EIF4G3: variants seen among roughly 807,000 people sequenced by gnomAD.
The protein encoded by EIF4G3 is eIF-4-gamma 3.
A neutral mutation model predicts 186.4 loss-of-function variants in EIF4G3; 34 were observed. That is an observed-to-expected ratio of 0.18 (90% CI 0.14 to 0.24). EIF4G3 has a LOEUF of 0.24. Among genes scored for constraint, EIF4G3 ranks in the 10% least tolerant of loss-of-function variants. The pLI, the probability that EIF4G3 is intolerant of heterozygous loss-of-function variation, is 1.00. For synonymous variants in EIF4G3, 673 were observed against 679.5 expected (o/e 0.99, Z 0.15); for missense variants, 1,536 against 1,948.5 (o/e 0.79, Z 3.99).
At chr1:20,889,680 C>T (rs1393350587) in intron 18 of EIF4G3, among the ~76,000 whole-genome samples, 4 of 151,846 alleles carry the variant, frequency 2.6e-5, no homozygotes, top group East Asian at 3.9e-4. Flanking sequence ...TTAGTGGAGA[C>T]GGGGTTTCAC....
At chr1:20,834,043 C>T (rs113190730) in intron 30 of EIF4G3, among the ~76,000 whole-genome samples, 1 of 152,070 alleles carries the variant, frequency 6.6e-6, no homozygotes, top group Non-Finnish European at 1.5e-5. Context: ...TCAAAAATAA[C>T]CAGAAAACAA....
At chr1:20,935,167 T>G (rs2095479221) in intron 14 of EIF4G3, among the ~76,000 whole-genome samples, 1 of 152,126 alleles carries the variant, frequency 6.6e-6, no homozygotes, top group Admixed American at 6.5e-5. Context: ...CTCTGAAAGA[T>G]TAATAGAAAC....
At chr1:20,931,139 A>G (rs2095290451) in intron 14 of EIF4G3, among the ~76,000 whole-genome samples, 1 of 152,132 alleles carries the variant, frequency 6.6e-6, no homozygotes, top group Non-Finnish European at 1.5e-5. Flanking sequence ...CTAAGGCAGA[A>G]GAAGGAAATG....
intron 2 of EIF4G3, among the ~76,000 whole-genome samples, chr1:21,141,765 C>A (rs2097344008): frequency 6.6e-6 from 1 of 152,002 alleles, no homozygotes; most frequent in Non-Finnish European, 1.5e-5. Flanking sequence ...CCTGACTCTA[C>A]CAAAAATTTT....
chr1:20,941,252 C>T lies in EIF4G3; in HGVS notation c.1663+239G>A, dbSNP rs1057028680. 4 of 1,547,146 alleles carry T rather than the reference C, an allele frequency of 2.6e-6. No individual in the cohort carries two copies. In the South Asian group the frequency reaches 4.9e-5, roughly 19 times the overall value. ...CAACAAAACCCAACATGTTTCGTGA[C>T]ATATACCTTGGAGGCATTTTGTATA... On this transcript the variant is annotated intron_variant, in intron 14 of 36. Transcript: ENST00000602326.
At chr1:21,083,577 GC>G (rs2095863529) in intron 3 of EIF4G3, among the ~76,000 whole-genome samples, 1 of 151,334 alleles carries the variant, frequency 6.6e-6, no homozygotes, top group South Asian at 2.1e-4. Flanking sequence ...ACCCACCTCA[GC>G]CTCCCAAAGT....
chr1:20,883,697 A>G (rs2083167269), intron 19 of EIF4G3, among the ~76,000 whole-genome samples: 1 of 152,060 alleles, frequency 6.6e-6, no homozygotes, highest in South Asian at 2.1e-4. Context: ...TAAAGGGAAG[A>G]AAAAAAATAA....
chr1:21,050,940 G>C lies in EIF4G3; in HGVS notation c.-141C>G, dbSNP rs1283771279. The stretch of plus-strand genomic sequence containing the variant: ...TTTGGATGCCCCTTGTTTATTTCAT[G>C]TGCTGAATAAGGGGATGGGGTAGGG... On this transcript the variant is annotated 5_prime_UTR_variant, in exon 4 of 37. Coordinates refer to ENST00000602326, the MANE Select transcript of EIF4G3 (RefSeq NM_001391906.1). 7.0e-6 allele frequency: 5 copies of C among 716,672 alleles called. No individual in the cohort carries two copies. The highest frequency in any genetic ancestry group is 2.0e-5 in the Admixed American group (1 of 49,698). 44.4% of individuals were successfully genotyped at this position (716,672 alleles called of 1,614,324 possible).
intron 13 of EIF4G3, among the ~76,000 whole-genome samples, chr1:20,948,083 T>C (rs1573350618): frequency 6.6e-6 from 1 of 152,358 alleles, no homozygotes. Context: ...GCACAGAAGA[T>C]ATATTTTAAG....
At chr1:20,953,696 T>C (rs1048633076) in intron 12 of EIF4G3, among the ~76,000 whole-genome samples, 1 of 152,208 alleles carries the variant, frequency 6.6e-6, no homozygotes, top group African/African-American at 2.4e-5. Context: ...GACAGAATAC[T>C]TAAGTACAGA....
At chr1:21,095,796 CA>C (rs1240831652) in intron 2 of EIF4G3, among the ~76,000 whole-genome samples, 12 of 144,874 alleles carry the variant, frequency 8.3e-5, no homozygotes, top group Admixed American at 1.4e-4. Context: ...AACATACAAA[CA>C]AAAAAAAAAC....
At chr1:20,820,614 G>A (rs1011193665) in intron 33 of EIF4G3, among the ~76,000 whole-genome samples, 2 of 152,164 alleles carry the variant, frequency 1.3e-5, no homozygotes, top group African/African-American at 4.8e-5. Context: ...GGGGCTCATG[G>A]TGCCTCTTCC....
chr1:20,807,943 C>CCT (rs2058408221), intron 36 of EIF4G3, among the ~76,000 whole-genome samples: 1 of 151,108 alleles, frequency 6.6e-6, no homozygotes, highest in South Asian at 2.1e-4. Context: ...CCTGCCTCAG[C>CCT]CTCTCAAGTA....
chr1:20,808,510 T>C (rs1044481053), intron 36 of EIF4G3, among the ~76,000 whole-genome samples: 2 of 151,678 alleles, frequency 1.3e-5, no homozygotes, highest in African/African-American at 4.8e-5. Context: ...TGAAACCCCG[T>C]CTCTACTAAA....
At chr1:20,836,753 C>G (rs2154548750) in intron 30 of EIF4G3, among the ~76,000 whole-genome samples, 1 of 152,298 alleles carries the variant, frequency 6.6e-6, no homozygotes, top group South Asian at 2.1e-4. Context: ...GTTTATTATA[C>G]TTTCAAAGTC....
At chr1:20,914,549 C>CA (rs2093648969) in intron 14 of EIF4G3, among the ~76,000 whole-genome samples, 2 of 152,016 alleles carry the variant, frequency 1.3e-5, no homozygotes, top group Non-Finnish European at 2.9e-5. Context: ...ATTTTTGGCC[C>CA]AAATGAAACC....
At chr1:21,023,768 G>C (rs1571203513) in intron 4 of EIF4G3, among the ~76,000 whole-genome samples, 1 of 148,380 alleles carries the variant, frequency 6.7e-6, no homozygotes, top group East Asian at 2.0e-4. Context: ...AGTCTGGAAA[G>C]TGAGGAGCGT....
chr1:20,909,214 T>C (rs1019216208), intron 14 of EIF4G3, among the ~76,000 whole-genome samples: 1 of 152,020 alleles, frequency 6.6e-6, no homozygotes, highest in Non-Finnish European at 1.5e-5. Context: ...CTTAAAGGGA[T>C]AGCAGAGTCA....
At chr1:21,025,848 G>C (rs1184058744) in intron 4 of EIF4G3, among the ~76,000 whole-genome samples, 1 of 152,142 alleles carries the variant, frequency 6.6e-6, no homozygotes, top group Non-Finnish European at 1.5e-5. Context: ...AATGAACTAA[G>C]AATCAGCAAA....
Sources: gnomAD v4.1 joint callset for allele counts (sites outside exome capture counted in the v4.1 genomes callset) on GRCh38, gnomAD v4.1.1 for gene constraint, MANE v1.5 for transcripts, NCBI Gene and HGNC (gene_info 2026-07-23, HGNC 2026-07-21) for gene names.